Variants in FGF14 observed in about 807,000 individuals in gnomAD.
FGF14 encodes fibroblast growth factor 14.
Under a neutral mutation model 25.5 loss-of-function variants are expected in FGF14, and 5 were observed. That is an observed-to-expected ratio of 0.20 (90% CI 0.10 to 0.41). The LOEUF (loss-of-function observed/expected upper bound fraction) is 0.41, where lower values mean the gene tolerates loss of function less well. FGF14 is among the 10% of genes least tolerant of loss of function. The pLI, the probability that FGF14 is intolerant of heterozygous loss-of-function variation, is 1.00. For missense variants in FGF14, 222 were observed against 320.1 expected, an observed-to-expected ratio of 0.69 and a Z score of 2.34; for synonymous variants, 138 against 118.3, an observed-to-expected ratio of 1.17 and a Z score of -1.08.
chr13:102,246,144 T>C lies in FGF14; in HGVS notation c.208+155327A>G, dbSNP rs535186092. Among the ~76,000 whole-genome samples, 7 of 152,200 alleles carry C rather than the reference T, an allele frequency of 4.6e-5. No homozygotes were observed. The East Asian group carries it at 1.4e-3, about 29-fold the overall frequency. ...AGATATCTGATAAGCCACTGCGAGA[T>C]ACATTCACAGAATTCATCTCTCCTT... On this transcript the variant is annotated intron_variant, in intron 1 of 4. Transcript: ENST00000376131.
intron 3 of FGF14, among the ~76,000 whole-genome samples, chr13:101,791,298 G>T (rs2040219880): frequency 6.6e-6 from 1 of 152,166 alleles, no homozygotes; most frequent in Admixed American, 6.5e-5. Context: ...AATATTTTGG[G>T]GTGTGAAGCA....
At position 101,710,942 on chromosome 13, in the gene FGF14, C is replaced by T. The variant is rs1442783990; in HGVS notation, c.*11889G>A. 1 of 152,152 alleles carries T rather than the reference C, an allele frequency of 6.6e-6. No individual in the cohort carries two copies. Among genetic ancestry groups the T allele is most frequent in the Non-Finnish European group, 1.5e-5 (1 of 68,026 alleles). 9.4% of individuals were successfully genotyped at this position (152,152 alleles called of 1,614,324 possible). A position where few individuals can be genotyped will look rare whatever the true frequency, so the allele number is the denominator to read the frequency against. ...GTAGTTAGTACAATAGTGAAAACTG[C>T]CTGCTGGGATGTCAGGTTGCAGCAT... On this transcript the variant is annotated 3_prime_UTR_variant, in exon 5 of 5. Coordinates refer to ENST00000376143, the MANE Select transcript of FGF14 (RefSeq NM_004115.4).
chr13:102,287,011 G>A (rs1038553634), intron 1 of FGF14, among the ~76,000 whole-genome samples: 7 of 152,044 alleles, frequency 4.6e-5, no homozygotes, highest in African/African-American at 1.2e-4. Flanking sequence ...ATAGCATTAG[G>A]AGATATACCT....
intron 1 of FGF14, among the ~76,000 whole-genome samples, chr13:102,398,013 A>AGAGTGTGT (rs371108512): frequency 6.8e-6 from 1 of 147,152 alleles, no homozygotes; most frequent in Non-Finnish European, 1.5e-5. Flanking sequence ...GACATTTAAG[A>AGAGTGTGT]GTGTGTGTGT....
chr13:101,802,875 G>A (rs1439797048), intron 3 of FGF14, among the ~76,000 whole-genome samples: 2 of 152,114 alleles, frequency 1.3e-5, no homozygotes, highest in African/African-American at 4.8e-5. Flanking sequence ...ACAAAATAGA[G>A]ACAAACTTTT....
intron 1 of FGF14, among the ~76,000 whole-genome samples, chr13:102,204,137 C>T (rs2049798342): frequency 1.3e-5 from 2 of 152,194 alleles, no homozygotes; most frequent in Admixed American, 6.5e-5. Context: ...CAGATTCGGG[C>T]AGGTTTTACA....
chr13:101,833,646 T>C (rs1215738204), intron 3 of FGF14, among the ~76,000 whole-genome samples: 3 of 152,066 alleles, frequency 2.0e-5, no homozygotes, highest in Non-Finnish European at 4.4e-5. Flanking sequence ...TGTGTATACA[T>C]ATGCATATGT....
intron 1 of FGF14, among the ~76,000 whole-genome samples, chr13:101,998,020 C>T (rs988728179): frequency 6.6e-6 from 1 of 152,048 alleles, no homozygotes; most frequent in African/African-American, 2.4e-5. Flanking sequence ...AGAGCAGCTA[C>T]AATTTACTCA....
At chr13:102,301,289 A>G (rs2055038225) in intron 1 of FGF14, among the ~76,000 whole-genome samples, 1 of 152,238 alleles carries the variant, frequency 6.6e-6, no homozygotes, top group Non-Finnish European at 1.5e-5. Flanking sequence ...TTCCTTATAC[A>G]TATTTATATG....
intron 1 of FGF14, among the ~76,000 whole-genome samples, chr13:102,324,467 G>A (rs1460849742): frequency 6.6e-6 from 1 of 152,126 alleles, no homozygotes; most frequent in African/African-American, 2.4e-5. Flanking sequence ...CATGCTGGGC[G>A]CTATGCATCC....
chr13:101,887,988 G>A (rs1232160751), intron 1 of FGF14, among the ~76,000 whole-genome samples: 1 of 152,172 alleles, frequency 6.6e-6, no homozygotes, highest in Non-Finnish European at 1.5e-5. Context: ...TTGAGTCAGA[G>A]ATGGCCAAGA....
intron 1 of FGF14, among the ~76,000 whole-genome samples, chr13:101,943,823 A>AT (rs1392857243): frequency 0.019 from 2,516 of 134,828 alleles, 49 homozygotes; most frequent in African/African-American, 0.05. Flanking sequence ...AAAAAAAAAA[A>AT]AAAATATATA....
intron 1 of FGF14, among the ~76,000 whole-genome samples, chr13:102,231,894 T>A (rs979093563): frequency 6.6e-6 from 1 of 152,202 alleles, no homozygotes; most frequent in African/African-American, 2.4e-5. Flanking sequence ...AACAAAAGAA[T>A]GAATGCAAAA....
At chr13:101,949,349 C>G (rs2036012594) in intron 1 of FGF14, among the ~76,000 whole-genome samples, 1 of 152,236 alleles carries the variant, frequency 6.6e-6, no homozygotes, top group Non-Finnish European at 1.5e-5. Flanking sequence ...CTGATGACTA[C>G]TGCTTGGAGT....
intron 1 of FGF14, among the ~76,000 whole-genome samples, chr13:102,098,360 A>G (rs527969226): frequency 2.0e-5 from 3 of 152,358 alleles, no homozygotes; most frequent in African/African-American, 7.2e-5. Context: ...CGATCTCTTA[A>G]GATTTGTATC....
intron 4 of FGF14, 93 bp from the exon 5 acceptor site, chr13:101,723,060 G>T (rs560562881): frequency 1.4e-6 from 2 of 1,478,298 alleles, no homozygotes; most frequent in East Asian, 2.3e-5. Context: ...ACTGCAGTTT[G>T]CCCATTTCTG....
chr13:102,301,240 T>C (rs1202300281), intron 1 of FGF14, among the ~76,000 whole-genome samples: 1 of 152,224 alleles, frequency 6.6e-6, no homozygotes, highest in African/African-American at 2.4e-5. Flanking sequence ...GCCTTGCTGA[T>C]ATATCTATAA....
intron 1 of FGF14, among the ~76,000 whole-genome samples, chr13:102,168,418 A>G (rs1452790945): frequency 6.6e-6 from 1 of 152,084 alleles, no homozygotes; most frequent in Non-Finnish European, 1.5e-5. Flanking sequence ...ACCTCAGGTG[A>G]TCTGCCCACC....
At chr13:101,950,295 CTGAATGTATCCTAAT>C (rs1399814647) in intron 1 of FGF14, among the ~76,000 whole-genome samples, 1 of 152,154 alleles carries the variant, frequency 6.6e-6, no homozygotes, top group African/African-American at 2.4e-5. Flanking sequence ...TTACATGTAG[CTGAATGTATCCTAAT>C]TGATACGCTT....
Sources: gnomAD v4.1 joint callset for allele counts (sites outside exome capture counted in the v4.1 genomes callset) on GRCh38, gnomAD v4.1.1 for gene constraint, MANE v1.5 for transcripts, NCBI Gene and HGNC (gene_info 2026-07-23, HGNC 2026-07-21) for gene names.